The following MYCBP2 variants were observed in gnomAD, a reference collection of about 807,000 sequenced individuals.
The protein encoded by MYCBP2 is MYC binding protein 2, also known as E3 ubiquitin-protein ligase MYCBP2.
A neutral mutation model predicts 525.3 loss-of-function variants in MYCBP2; 120 were observed. The observed-to-expected ratio is 0.23, with a 90% CI of 0.20 to 0.27. The LOEUF is 0.27. Ranked by LOEUF, MYCBP2 falls within the 10% of genes least tolerant of loss-of-function variation. The pLI, the probability that MYCBP2 is intolerant of heterozygous loss-of-function variation, is 1.00. For synonymous variants in MYCBP2, 1,894 were observed against 1,955.8 expected, an observed-to-expected ratio of 0.97 and a Z score of 0.83; for missense variants, 4,149 against 5,657.1, an observed-to-expected ratio of 0.73 and a Z score of 8.55.
intron 26 of MYCBP2, among the ~76,000 whole-genome samples, chr13:77,199,058 C>T (rs780326448): frequency 1.3e-5 from 2 of 152,108 alleles, no homozygotes; most frequent in Non-Finnish European, 2.9e-5. Flanking sequence ...TGAATAGGAA[C>T]AGCTCCGGTC....
intron 54 of MYCBP2, among the ~76,000 whole-genome samples, chr13:77,123,840 A>G (rs2051176522): frequency 6.6e-6 from 1 of 152,206 alleles, no homozygotes; most frequent in Non-Finnish European, 1.5e-5. Flanking sequence ...ATTTTCATTT[A>G]TATCTGAATA....
Position 77,264,013 on chromosome 13 carries a change from GA to G in MYCBP2, c.1358-12del. On this transcript the variant is annotated splice_polypyrimidine_tract_variant and intron_variant, in intron 8 of 82. Transcript: ENST00000544440. The stretch of plus-strand genomic sequence containing the variant: ...CTTCAGTGTGGCAATCTGTGCAAAA[GA>G]AAAAGTATTTATATTACAATACAAG... The G allele has an allele frequency of 6.2e-7, 1 of 1,607,036 alleles. No individual in the cohort carries two copies. The highest frequency in any genetic ancestry group is 8.5e-7 in the Non-Finnish European group (1 of 1,175,482).
intron 3 of MYCBP2, among the ~76,000 whole-genome samples, chr13:77,281,084 T>C (rs552039804): frequency 2.2e-4 from 34 of 152,306 alleles, no homozygotes; most frequent in African/African-American, 8.2e-4. Context: ...TACCAAAAGT[T>C]TGAACTTTGA....
At chr13:77,063,604 TA>T (rs1361655798) in intron 73 of MYCBP2, among the ~76,000 whole-genome samples, 2 of 148,348 alleles carry the variant, frequency 1.3e-5, no homozygotes, top group African/African-American at 4.9e-5. Flanking sequence ...CAGAAATAGT[TA>T]AAAATTTCTG....
chr13:77,193,640 T>C (rs112842472), intron 27 of MYCBP2, among the ~76,000 whole-genome samples: 9 of 152,292 alleles, frequency 5.9e-5, no homozygotes, highest in African/African-American at 2.2e-4. Context: ...TGAACCTTCA[T>C]AAATAAACAT....
intron 18 of MYCBP2, among the ~76,000 whole-genome samples, chr13:77,228,036 C>A (rs927967): frequency 0.57 from 86,732 of 151,614 alleles, 28,209 homozygotes; most frequent in Non-Finnish European, 0.73. Flanking sequence ...GCAGCAGTGG[C>A]AGAATTAAAA....
chr13:77,104,710 T>C (rs1181440561), intron 55 of MYCBP2, among the ~76,000 whole-genome samples: 2 of 152,016 alleles, frequency 1.3e-5, no homozygotes, highest in Non-Finnish European at 2.9e-5. Context: ...ACAGATTAAG[T>C]AAAACTGACA....
chr13:77,185,127 A>C lies in MYCBP2; in HGVS notation c.4695T>G (p.Cys1565Trp). ...CCTGATCCAAACAATTCAGCAGATCACAAAGGCAAGCCCACTGTAAGGCAG... is the reference window on the plus strand; with the variant it reads ...CCTGATCCAAACAATTCAGCAGATCCCAAAGGCAAGCCCACTGTAAGGCAG... Reference protein sequence around the residue: ...PTPALQWACLCDLLNCLDQDI... With the variant: ...PTPALQWACLWDLLNCLDQDI... Residue 1565 changes from cysteine (C) to tryptophan (W), a missense_variant, in exon 32 of 83, where the codon TGT becomes TGG. Cys to Trp is a radical substitution (Grantham distance 215). Coordinates refer to ENST00000544440, the MANE Select transcript of MYCBP2 (RefSeq NM_015057.5). The C allele has an allele frequency of 6.2e-7, 1 of 1,614,138 alleles. No individual in the cohort carries two copies. Among genetic ancestry groups the C allele is most frequent in the South Asian group, 1.1e-5 (1 of 91,074 alleles).
At chr13:77,287,152 G>C (rs982669767) in intron 3 of MYCBP2, among the ~76,000 whole-genome samples, 29 of 150,816 alleles carry the variant, frequency 1.9e-4, no homozygotes, top group Non-Finnish European at 2.8e-4. Context: ...CTCCCAAAGA[G>C]CTGGGATTAC....
intron 23 of MYCBP2, among the ~76,000 whole-genome samples, chr13:77,210,041 C>A (rs756745708): frequency 1.3e-5 from 2 of 152,130 alleles, no homozygotes; most frequent in Non-Finnish European, 2.9e-5. Context: ...TGGAATCTTG[C>A]CTACTAAGGC....
intron 4 of MYCBP2, 45 bp downstream of exon 4, chr13:77,278,713 T>G: frequency 7.1e-7 from 1 of 1,416,732 alleles, no homozygotes; most frequent in Non-Finnish European, 9.3e-7. Flanking sequence ...TATTATTAAT[T>G]ATATTCACTT....
intron 34 of MYCBP2, 60 bp downstream of exon 34, chr13:77,180,067 A>G (rs2060076801): frequency 7.3e-7 from 1 of 1,364,364 alleles, no homozygotes; most frequent in Admixed American, 2.2e-5. Flanking sequence ...TTGAAAAAAG[A>G]AACTGTGTAA....
chr13:77,281,478 C>T (rs1263490609), intron 3 of MYCBP2, among the ~76,000 whole-genome samples: 5 of 152,018 alleles, frequency 3.3e-5, no homozygotes, highest in African/African-American at 4.8e-5. Flanking sequence ...CTTTCCATAA[C>T]GAACTATAAC....
chr13:77,169,392 T>C (rs2058903576), intron 39 of MYCBP2, among the ~76,000 whole-genome samples: 1 of 109,092 alleles, frequency 9.2e-6, no homozygotes, highest in South Asian at 2.8e-4. Context: ...CAAGACTCCG[T>C]CTCAAAAAAA....
At chr13:77,060,420 T>C (rs923854405) in intron 76 of MYCBP2, among the ~76,000 whole-genome samples, 3 of 152,344 alleles carry the variant, frequency 2.0e-5, no homozygotes, top group African/African-American at 7.2e-5. Flanking sequence ...TCTTGCAGCA[T>C]GCAAAGTCAC....
At chr13:77,186,160 C>G in intron 30 of MYCBP2, 97 bp from the exon 31 acceptor site, 11 of 879,712 alleles carry the variant, frequency 1.3e-5, no homozygotes, top group Non-Finnish European at 1.8e-5. Flanking sequence ...TCAAAACTTT[C>G]TTTTGAATTT....
chr13:77,260,324 T>C (rs2073047154), intron 13 of MYCBP2, 104 bp downstream of exon 13: 2 of 767,526 alleles, frequency 2.6e-6, no homozygotes, highest in South Asian at 2.6e-5. Context: ...GTAAAAAATG[T>C]AGAGAAAGCA....
In MYCBP2 at chr13:77,270,010, A is replaced by G. The variant is rs569999484; in HGVS notation, c.1242T>C (p.Ser414=). The G allele has an allele frequency of 2.5e-6, 4 of 1,612,296 alleles. No individual in the cohort carries two copies. In the South Asian group the frequency reaches 4.4e-5, roughly 18 times the overall value. The change falls in exon 7 of 83, where the codon TCT becomes TCC. Residue 414 remains serine (S), a synonymous_variant. Coordinates refer to ENST00000544440, the MANE Select transcript of MYCBP2 (RefSeq NM_015057.5). ...SRIRNRKEKK[S]WLGYAQGYLL... is the part of the protein sequence containing the mutation. Reference sequence around the variant, plus strand: ...TTCTTACCTGAGCATACCCTAACCAAGACTTTTTTTCTTTTCTGTTTCTAA... The same window carrying G: ...TTCTTACCTGAGCATACCCTAACCAGGACTTTTTTTCTTTTCTGTTTCTAA...
chr13:77,140,255 T>C, intron 50 of MYCBP2, 92 bp from the exon 51 acceptor site: 1 of 734,282 alleles, frequency 1.4e-6, no homozygotes, highest in Non-Finnish European at 2.2e-6. Context: ...GGTTTGAAAG[T>C]ATCGTAATTC....
Sources: allele counts gnomAD v4.1 joint callset (sites outside exome capture counted in the v4.1 genomes callset), GRCh38; gene constraint gnomAD v4.1.1; transcripts MANE v1.5; gene names NCBI Gene and HGNC (gene_info 2026-07-23, HGNC 2026-07-21).